FRMD4A: variants seen among roughly 807,000 people sequenced by gnomAD.
The protein encoded by FRMD4A is FERM domain containing 4A.
A neutral mutation model predicts 129.1 loss-of-function variants in FRMD4A; 29 were observed. That is an observed-to-expected ratio of 0.22 (90% CI 0.17 to 0.31). The LOEUF (loss-of-function observed/expected upper bound fraction) is 0.31, where lower values mean the gene tolerates loss of function less well. Ranked by LOEUF, FRMD4A falls within the 10% of genes least tolerant of loss-of-function variation. The pLI, the probability that FRMD4A is intolerant of heterozygous loss-of-function variation, is 1.00. For synonymous variants in FRMD4A, 634 were observed against 571.6 expected, an observed-to-expected ratio of 1.11 and a Z score of -1.56; for missense variants, 1,272 against 1,375.8, an observed-to-expected ratio of 0.92 and a Z score of 1.19.
At chr10:14,052,927 T>G (rs72776642) in intron 2 of FRMD4A, among the ~76,000 whole-genome samples, 13,103 of 151,940 alleles carry the variant, frequency 0.086, 669 homozygotes, top group Non-Finnish European at 0.12. Flanking sequence ...CATTCTTTAC[T>G]GCAAGGAGGG....
intron 15 of FRMD4A, among the ~76,000 whole-genome samples, chr10:13,682,574 C>T (rs563964213): frequency 1.4e-5 from 2 of 144,870 alleles, no homozygotes; most frequent in South Asian, 4.4e-4. Flanking sequence ...GATCTTGGCT[C>T]ACTGCAACCT....
chr10:14,156,326 A>G (rs983743792), intron 2 of FRMD4A, among the ~76,000 whole-genome samples: 2 of 152,180 alleles, frequency 1.3e-5, no homozygotes, highest in African/African-American at 4.8e-5. Context: ...ATACACACCC[A>G]TTTTGAATGA....
chr10:14,025,024 C>T (rs1014640599), intron 2 of FRMD4A, among the ~76,000 whole-genome samples: 3 of 152,246 alleles, frequency 2.0e-5, no homozygotes, highest in Non-Finnish European at 4.4e-5. Flanking sequence ...GAGAACGTAT[C>T]AGACCTTGTT....
chr10:14,080,373 G>A (rs1490667048), intron 2 of FRMD4A, among the ~76,000 whole-genome samples: 3 of 152,082 alleles, frequency 2.0e-5, no homozygotes, highest in African/African-American at 4.8e-5. Flanking sequence ...TGCCTCCTAT[G>A]ACATTGGAAC....
chr10:14,205,188 G>A (rs893611168), intron 2 of FRMD4A, among the ~76,000 whole-genome samples: 7 of 151,572 alleles, frequency 4.6e-5, no homozygotes, highest in Admixed American at 2.0e-4. Context: ...AATCTCAGGC[G>A]ACTAAGTTAA....
At chr10:13,864,198 G>A (rs939202370) in intron 2 of FRMD4A, among the ~76,000 whole-genome samples, 3 of 151,796 alleles carry the variant, frequency 2.0e-5, no homozygotes, top group Non-Finnish European at 2.9e-5. Context: ...GTTTCACCAC[G>A]TTGGCCAGGC....
chr10:13,939,468 T>G (rs924841988), intron 2 of FRMD4A, among the ~76,000 whole-genome samples: 17 of 152,180 alleles, frequency 1.1e-4, no homozygotes, highest in African/African-American at 3.9e-4. Flanking sequence ...TGGGATTTAT[T>G]TGTAATATAA....
chr10:14,253,478 C>T (rs1443087786), intron 2 of FRMD4A, among the ~76,000 whole-genome samples: 1 of 152,066 alleles, frequency 6.6e-6, no homozygotes, highest in African/African-American at 2.4e-5. Context: ...TTTTGAAAAC[C>T]ACTTTCTTTA....
At chr10:14,290,101 G>A (rs189294484) in intron 2 of FRMD4A, among the ~76,000 whole-genome samples, 1 of 152,112 alleles carries the variant, frequency 6.6e-6, no homozygotes, top group African/African-American at 2.4e-5. Flanking sequence ...ACAGGTAAAT[G>A]GAAAGACATC....
At chr10:14,317,756 G>GAAAAAAA (rs66793271) in intron 2 of FRMD4A, among the ~76,000 whole-genome samples, 1 of 123,368 alleles carries the variant, frequency 8.1e-6, no homozygotes. Context: ...ACAAGAGACG[G>GAAAAAAA]AAAAAAAAAA....
At chr10:13,699,237 T>TG (rs2086564617) in intron 14 of FRMD4A, among the ~76,000 whole-genome samples, 46 of 92,272 alleles carry the variant, frequency 5.0e-4, no homozygotes, top group African/African-American at 5.5e-4. Context: ...TTTTTTTTTT[T>TG]TTTTTTTTTT....
intron 2 of FRMD4A, among the ~76,000 whole-genome samples, chr10:14,140,363 G>A (rs748571340): frequency 3.9e-5 from 6 of 152,092 alleles, no homozygotes; most frequent in East Asian, 1.9e-4. Context: ...CCCCTTGGCC[G>A]GAAAATGCGT....
chr10:14,169,712 T>A (rs1841376750), intron 2 of FRMD4A, among the ~76,000 whole-genome samples: 2 of 152,196 alleles, frequency 1.3e-5, no homozygotes, highest in South Asian at 2.1e-4. Context: ...AGGAAAACAT[T>A]TTGATATCAG....
At chr10:14,189,118 T>C (rs997716576) in intron 2 of FRMD4A, among the ~76,000 whole-genome samples, 2 of 152,176 alleles carry the variant, frequency 1.3e-5, no homozygotes, top group African/African-American at 4.8e-5. Context: ...TGGTGTCCTA[T>C]AGACAGTGAG....
intron 2 of FRMD4A, among the ~76,000 whole-genome samples, chr10:13,986,895 C>T (rs559248905): frequency 3.9e-4 from 60 of 151,972 alleles, no homozygotes; most frequent in African/African-American, 1.4e-3. Context: ...ACAATGGAAC[C>T]TAAGGGTTTC....
intron 2 of FRMD4A, among the ~76,000 whole-genome samples, chr10:14,186,287 C>T (rs1027429545): frequency 1.3e-5 from 2 of 152,142 alleles, no homozygotes; most frequent in African/African-American, 2.4e-5. Flanking sequence ...GTCTGAACTA[C>T]CACCACACGT....
At chr10:14,168,547 T>G (rs1317204061) in intron 2 of FRMD4A, among the ~76,000 whole-genome samples, 1 of 152,238 alleles carries the variant, frequency 6.6e-6, no homozygotes, top group Non-Finnish European at 1.5e-5. Context: ...CCAGGAATCT[T>G]GCAAGCATCA....
intron 2 of FRMD4A, among the ~76,000 whole-genome samples, chr10:14,197,680 C>A (rs1203291871): frequency 1.3e-5 from 2 of 152,212 alleles, no homozygotes; most frequent in African/African-American, 4.8e-5. Flanking sequence ...CTAGTTATGA[C>A]AAATCCACTG....
At chr10:14,133,200 C>A (rs1839356996) in intron 2 of FRMD4A, among the ~76,000 whole-genome samples, 1 of 152,118 alleles carries the variant, frequency 6.6e-6, no homozygotes, top group African/African-American at 2.4e-5. Context: ...TGCTAAAGAG[C>A]ACTTGAGACA....
Sources: gnomAD v4.1 joint callset for allele counts (sites outside exome capture counted in the v4.1 genomes callset) on GRCh38, gnomAD v4.1.1 for gene constraint, MANE v1.5 for transcripts, NCBI Gene and HGNC (gene_info 2026-07-23, HGNC 2026-07-21) for gene names.